DNER: variants seen among roughly 807,000 people sequenced by gnomAD.
The protein encoded by DNER is delta and Notch-like epidermal growth factor-related receptor.
A neutral mutation model predicts 78.2 loss-of-function variants in DNER; 33 were observed. The ratio of observed to expected loss-of-function variants is 0.42; its 90% CI spans 0.32 to 0.56. The LOEUF is 0.56. Among genes scored for constraint, DNER ranks in the 20% least tolerant of loss-of-function variants. DNER has a pLI of 0.11. For synonymous variants in DNER, 417 were observed against 384.8 expected, an observed-to-expected ratio of 1.08 and a Z score of -0.98; for missense variants, 918 against 975.3, an observed-to-expected ratio of 0.94 and a Z score of 0.78.
rs567857582 is a variant in DNER at position 229,629,453 on chromosome 2, C to A, written c.277-37565G>T. 1.2e-4 allele frequency among the ~76,000 whole-genome samples: 19 copies of A among 152,236 alleles called. No homozygotes were observed. The South Asian group carries it at 3.9e-3, about 32-fold the overall frequency. ...GTCACTATGTGGAGACCTCATTGGG[C>A]AGAAATGGTAACGAGAGCTTTCTGA... On this transcript the variant is annotated intron_variant, in intron 1 of 12. Coordinates refer to ENST00000341772, the MANE Select transcript of DNER (RefSeq NM_139072.4).
At chr2:229,508,708 C>T (rs1390029769) in intron 6 of DNER, among the ~76,000 whole-genome samples, 1 of 151,766 alleles carries the variant, frequency 6.6e-6, no homozygotes, top group Non-Finnish European at 1.5e-5. Context: ...GGTGAAACCC[C>T]GTCTCTACTA....
intron 1 of DNER, among the ~76,000 whole-genome samples, chr2:229,687,511 A>G (rs375811834): frequency 4.6e-5 from 7 of 152,086 alleles, no homozygotes; most frequent in African/African-American, 1.7e-4. Context: ...TGATCCACCT[A>G]CCTCGGCCTC....
chr2:229,666,911 G>A (rs1464582280), intron 1 of DNER, among the ~76,000 whole-genome samples: 1 of 152,152 alleles, frequency 6.6e-6, no homozygotes, highest in Non-Finnish European at 1.5e-5. Context: ...TTCCAAATGG[G>A]AGCCACCAGA....
At chr2:229,501,287 G>A (rs1259701723) in intron 6 of DNER, among the ~76,000 whole-genome samples, 1 of 151,000 alleles carries the variant, frequency 6.6e-6, no homozygotes, top group Non-Finnish European at 1.5e-5. Context: ...CTAAGAAAGT[G>A]GATTTTAAGT....
At chr2:229,683,573 G>A (rs1338141491) in intron 1 of DNER, among the ~76,000 whole-genome samples, 1 of 152,034 alleles carries the variant, frequency 6.6e-6, no homozygotes, top group African/African-American at 2.4e-5. Flanking sequence ...AAAATAATTG[G>A]GTTATCAGGT....
At chr2:229,433,919 T>C (rs1263094640) in intron 8 of DNER, among the ~76,000 whole-genome samples, 1 of 152,162 alleles carries the variant, frequency 6.6e-6, no homozygotes, top group East Asian at 1.9e-4. Flanking sequence ...TTAAAATATA[T>C]TTTGAATAAA....
intron 1 of DNER, among the ~76,000 whole-genome samples, chr2:229,690,675 G>A (rs1352306931): frequency 6.6e-6 from 1 of 151,462 alleles, no homozygotes; most frequent in Non-Finnish European, 1.5e-5. Flanking sequence ...ATATCTGTGG[G>A]AAAAAAAAAT....
chr2:229,617,548 C>A (rs868063891), intron 1 of DNER, among the ~76,000 whole-genome samples: 18 of 151,290 alleles, frequency 1.2e-4, no homozygotes, highest in African/African-American at 2.7e-4. Flanking sequence ...TTCTAACACA[C>A]AAAAAAAAAG....
At chr2:229,696,142 C>T (rs1017008425) in intron 1 of DNER, among the ~76,000 whole-genome samples, 1 of 152,208 alleles carries the variant, frequency 6.6e-6, no homozygotes, top group Admixed American at 6.5e-5. Flanking sequence ...AGTCTTTTAG[C>T]CCTGCTTTGG....
intron 11 of DNER, among the ~76,000 whole-genome samples, chr2:229,377,462 A>G (rs1258205297): frequency 6.6e-6 from 1 of 152,224 alleles, no homozygotes; most frequent in Non-Finnish European, 1.5e-5. Context: ...TCCTTTTATT[A>G]TAATTCAGAA....
chr2:229,490,647 C>G (rs889307679), intron 6 of DNER, among the ~76,000 whole-genome samples: 6 of 151,874 alleles, frequency 4.0e-5, no homozygotes, highest in African/African-American at 9.7e-5. Context: ...GATAAAATGC[C>G]CTAAAGCTGA....
chr2:229,421,628 A>AATATATATAT (rs55973585), intron 8 of DNER, among the ~76,000 whole-genome samples: 14 of 133,266 alleles, frequency 1.1e-4, no homozygotes, highest in African/African-American at 3.7e-4. Context: ...TACAACATGA[A>AATATATATAT]ATATATATAT....
intron 1 of DNER, among the ~76,000 whole-genome samples, chr2:229,665,786 G>A (rs937036967): frequency 2.6e-5 from 4 of 152,108 alleles, no homozygotes; most frequent in Non-Finnish European, 4.4e-5. Flanking sequence ...AAGGTGAGTC[G>A]GAAGTGATCT....
intron 9 of DNER, among the ~76,000 whole-genome samples, chr2:229,412,801 C>A (rs6761102): frequency 0.41 from 62,001 of 151,966 alleles, 13,913 homozygotes; most frequent in Non-Finnish European, 0.5. Context: ...CCCCAGGGCT[C>A]AGTGGGGCAA....
intron 1 of DNER, among the ~76,000 whole-genome samples, chr2:229,688,880 AAC>A (rs1380261720): frequency 6.6e-6 from 1 of 152,212 alleles, no homozygotes; most frequent in Non-Finnish European, 1.5e-5. Context: ...TGAGCAAACT[AAC>A]ACAGGAACAG....
At chr2:229,700,591 C>T (rs1394439207) in intron 1 of DNER, among the ~76,000 whole-genome samples, 1 of 151,938 alleles carries the variant, frequency 6.6e-6, no homozygotes, top group East Asian at 1.9e-4. Flanking sequence ...TACTAGTCAA[C>T]CATCGAAAAT....
At chr2:229,428,102 AG>A (rs373395534) in intron 8 of DNER, among the ~76,000 whole-genome samples, 2 of 151,388 alleles carry the variant, frequency 1.3e-5, no homozygotes, top group African/African-American at 2.4e-5. Flanking sequence ...AGAGAAAAAA[AG>A]AAAAGAAAAG....
intron 1 of DNER, among the ~76,000 whole-genome samples, chr2:229,660,233 C>G (rs979814859): frequency 3.9e-5 from 6 of 152,068 alleles, no homozygotes; most frequent in African/African-American, 1.4e-4. Context: ...GGTATTAAGA[C>G]TAGCACCCAT....
chr2:229,415,516 T>C (rs111842989), intron 9 of DNER, among the ~76,000 whole-genome samples: 353 of 152,316 alleles, frequency 2.3e-3, no homozygotes, highest in African/African-American at 7.9e-3. Flanking sequence ...GCGGATCTAC[T>C]TTTTTCAAGA....
Sources: gnomAD v4.1 joint callset for allele counts (sites outside exome capture counted in the v4.1 genomes callset) on GRCh38, gnomAD v4.1.1 for gene constraint, MANE v1.5 for transcripts, NCBI Gene and HGNC (gene_info 2026-07-23, HGNC 2026-07-21) for gene names.